Variants in APBA1 observed in about 807,000 individuals in gnomAD.
APBA1 encodes amyloid beta precursor protein binding family A member 1.
A neutral mutation model predicts 86.6 loss-of-function variants in APBA1; 55 were observed. The observed-to-expected ratio is 0.64, with a 90% CI of 0.51 to 0.80. The LOEUF (loss-of-function observed/expected upper bound fraction) is 0.80. Ranked by LOEUF, APBA1 falls within the 30% of genes least tolerant of loss-of-function variation. The pLI, the probability that APBA1 is intolerant of heterozygous loss-of-function variation, is 0.00. For synonymous variants in APBA1, 511 were observed against 493.9 expected (o/e 1.03, Z -0.46); for missense variants, 1,090 against 1,183.0 (o/e 0.92, Z 1.15).
chr9:69,560,618 T>C (rs1057437742), intron 1 of APBA1, among the ~76,000 whole-genome samples: 3 of 152,216 alleles, frequency 2.0e-5, no homozygotes, highest in Non-Finnish European at 4.4e-5. Flanking sequence ...CAGTACTTCA[T>C]TAAGCACTTA....
intron 2 of APBA1, among the ~76,000 whole-genome samples, chr9:69,505,583 T>C (rs1835946071): frequency 6.6e-6 from 1 of 152,138 alleles, no homozygotes; most frequent in Non-Finnish European, 1.5e-5. Context: ...TTTCAAGCTG[T>C]ACACCACACC....
At chr9:69,487,133 A>G (rs1463264760) in intron 2 of APBA1, among the ~76,000 whole-genome samples, 2 of 152,080 alleles carry the variant, frequency 1.3e-5, no homozygotes, top group Non-Finnish European at 2.9e-5. Context: ...ATTCTATTCT[A>G]GAAAGGCCTG....
At chr9:69,653,656 T>G (rs568378446) in intron 1 of APBA1, among the ~76,000 whole-genome samples, 6 of 152,142 alleles carry the variant, frequency 3.9e-5, no homozygotes, top group Non-Finnish European at 5.9e-5. Flanking sequence ...GAAGGAACTT[T>G]GGAAAGTATG....
At chr9:69,577,657 C>T (rs1166342996) in intron 1 of APBA1, among the ~76,000 whole-genome samples, 1 of 152,104 alleles carries the variant, frequency 6.6e-6, no homozygotes, top group Non-Finnish European at 1.5e-5. Flanking sequence ...GAAATGCAAT[C>T]ATCACTATAA....
At chr9:69,548,336 C>A (rs1349711020) in intron 1 of APBA1, among the ~76,000 whole-genome samples, 1 of 152,154 alleles carries the variant, frequency 6.6e-6, no homozygotes, top group South Asian at 2.1e-4. Flanking sequence ...AAGGACAGAG[C>A]CCTGCCGACG....
At chr9:69,531,584 C>G (rs1432439883) in intron 1 of APBA1, among the ~76,000 whole-genome samples, 1 of 152,162 alleles carries the variant, frequency 6.6e-6, no homozygotes, top group Non-Finnish European at 1.5e-5. Flanking sequence ...CCTTATGTGT[C>G]CCACAGACAA....
chr9:69,464,991 T>G (rs1835252708), intron 5 of APBA1: 2 of 152,346 alleles, frequency 1.3e-5, no homozygotes, highest in South Asian at 4.1e-4. Flanking sequence ...CGTGCAGTTT[T>G]CAACCTCAGA....
At chr9:69,565,386 C>T (rs1837009815) in intron 1 of APBA1, among the ~76,000 whole-genome samples, 1 of 152,046 alleles carries the variant, frequency 6.6e-6, no homozygotes, top group Non-Finnish European at 1.5e-5. Flanking sequence ...AGGCCTTAGG[C>T]AGTCCTTAAA....
intron 1 of APBA1, among the ~76,000 whole-genome samples, chr9:69,664,637 G>A (rs973384291): frequency 1.3e-5 from 2 of 152,178 alleles, no homozygotes; most frequent in African/African-American, 2.4e-5. Context: ...TTATATGAAA[G>A]TAAACTAATA....
Position 69,457,139 on chromosome 9 carries a change from C to A in APBA1, c.1516G>T (p.Ala506Ser). The A allele has an allele frequency of 6.2e-7, 1 of 1,613,684 alleles. No homozygotes were observed. Among genetic ancestry groups the A allele is most frequent in the Non-Finnish European group, 8.5e-7 (1 of 1,179,660 alleles). ...ATTGGCTGAGATTCGCCTTCAGGAG[C>A]CTGAGAAGAAAAAATGCACCAAGAG... is the stretch of plus-strand genomic sequence containing the variant. The part of the protein sequence containing the change: ...AQKLAKSRKK[A>S]PEGESQPMTE... The change falls in exon 7 of 13, where the codon GCT becomes TCT. Residue 506 changes from alanine to serine, a missense_variant and splice_region_variant. By Grantham distance (99) the Ala-to-Ser change is moderately conservative. Transcript: ENST00000265381.
At chr9:69,547,531 G>A (rs960643708) in intron 1 of APBA1, among the ~76,000 whole-genome samples, 3 of 152,174 alleles carry the variant, frequency 2.0e-5, no homozygotes, top group Admixed American at 1.3e-4. Flanking sequence ...TGTTTGGCTG[G>A]ACACCTTGCT....
At chr9:69,584,391 A>G (rs1372332241) in intron 1 of APBA1, among the ~76,000 whole-genome samples, 1 of 152,210 alleles carries the variant, frequency 6.6e-6, no homozygotes. Context: ...CAGTCAACAT[A>G]TCTATCCTCT....
intron 1 of APBA1, among the ~76,000 whole-genome samples, chr9:69,604,506 G>A (rs1265265905): frequency 2.1e-5 from 3 of 144,750 alleles, no homozygotes; most frequent in Non-Finnish European, 4.5e-5. Flanking sequence ...ACATGAGTGT[G>A]GGCACATGCA....
intron 1 of APBA1, among the ~76,000 whole-genome samples, chr9:69,572,021 G>C (rs999307155): frequency 6.6e-6 from 1 of 152,148 alleles, no homozygotes; most frequent in Non-Finnish European, 1.5e-5. Context: ...AGTGGATAAC[G>C]AGCTCCTGCA....
intron 1 of APBA1, among the ~76,000 whole-genome samples, chr9:69,638,541 T>C (rs1203944271): frequency 1.3e-5 from 2 of 152,158 alleles, no homozygotes; most frequent in African/African-American, 2.4e-5. Flanking sequence ...AAGTGCATAC[T>C]TTATAAAGTG....
intron 1 of APBA1, among the ~76,000 whole-genome samples, chr9:69,630,617 A>G (rs1200738044): frequency 6.6e-6 from 1 of 152,094 alleles, no homozygotes; most frequent in Admixed American, 6.5e-5. Context: ...TGATCTCCAC[A>G]TGTCCAAATG....
At chr9:69,535,025 AC>A (rs1349512066) in intron 1 of APBA1, among the ~76,000 whole-genome samples, 1 of 151,906 alleles carries the variant, frequency 6.6e-6, no homozygotes, top group Non-Finnish European at 1.5e-5. Context: ...TTCCCCTTCT[AC>A]CTCCCACCTG....
At chr9:69,577,317 G>A (rs959315380) in intron 1 of APBA1, among the ~76,000 whole-genome samples, 1 of 152,180 alleles carries the variant, frequency 6.6e-6, no homozygotes, top group African/African-American at 2.4e-5. Flanking sequence ...AGTAGACAGG[G>A]TGCATAGACA....
At chr9:69,563,319 A>G (rs1455114515) in intron 1 of APBA1, among the ~76,000 whole-genome samples, 1 of 122,898 alleles carries the variant, frequency 8.1e-6, no homozygotes, top group Non-Finnish European at 1.8e-5. Flanking sequence ...AATTAAAAAG[A>G]TTTTTCTACT....
Sources: gnomAD v4.1 joint callset for allele counts (sites outside exome capture counted in the v4.1 genomes callset) on GRCh38, gnomAD v4.1.1 for gene constraint, MANE v1.5 for transcripts, NCBI Gene and HGNC (gene_info 2026-07-23, HGNC 2026-07-21) for gene names.